The following PDGFD variants were observed in gnomAD, a reference collection of about 807,000 sequenced individuals.
PDGFD encodes platelet derived growth factor D.
A neutral mutation model predicts 44.7 loss-of-function variants in PDGFD; 30 were observed. The observed-to-expected ratio is 0.67, with a 90% confidence interval of 0.50 to 0.91. The LOEUF (loss-of-function observed/expected upper bound fraction) is 0.91, where lower values mean the gene tolerates loss of function less well. Among genes scored for constraint, PDGFD ranks in the 40% least tolerant of loss-of-function variants. The pLI, the probability that PDGFD is intolerant of heterozygous loss-of-function variation, is 0.00. For synonymous variants in PDGFD, 173 were observed against 168.4 expected (o/e 1.03, Z -0.21); for missense variants, 445 against 457.8 (o/e 0.97, Z 0.25).
chr11:104,156,964 C>A (rs73607960), intron 1 of PDGFD, among the ~76,000 whole-genome samples: 273 of 152,268 alleles, frequency 1.8e-3, no homozygotes, highest in Non-Finnish European at 2.3e-3. Flanking sequence ...CTATATATTA[C>A]CCCCTGTAGC....
In PDGFD at chr11:104,012,202, T is replaced by C. The variant is rs373953395; in HGVS notation, c.125-11947A>G. Among the ~76,000 whole-genome samples the C allele has an allele frequency of 1.8e-4, 27 of 152,304 alleles. No individual in the cohort carries two copies. The South Asian group carries it at 5.6e-3, about 32-fold the overall frequency. ...AAATTCAGATGAATTCCTAGCATTC[T>C]TTGATATTTCTCGGAATTATCTGGA... On this transcript the variant is annotated intron_variant, in intron 1 of 6. Coordinates refer to ENST00000393158, the MANE Select transcript of PDGFD (RefSeq NM_025208.5).
intron 1 of PDGFD, among the ~76,000 whole-genome samples, chr11:104,048,276 T>A (rs1449383825): frequency 6.6e-6 from 1 of 151,924 alleles, no homozygotes; most frequent in African/African-American, 2.4e-5. Context: ...CAATTCCAAA[T>A]AGAAAATACT....
intron 3 of PDGFD, among the ~76,000 whole-genome samples, chr11:103,966,851 G>A (rs969416361): frequency 6.6e-6 from 1 of 152,008 alleles, no homozygotes; most frequent in Non-Finnish European, 1.5e-5. Context: ...AACCCTTGAT[G>A]CTTTCACTGA....
chr11:104,138,371 ATAGCTCATT>A (rs2119864839), intron 1 of PDGFD, among the ~76,000 whole-genome samples: 1 of 152,356 alleles, frequency 6.6e-6, no homozygotes, highest in South Asian at 2.1e-4. Context: ...ATTTCACTAT[ATAGCTCATT>A]AAACAGCAAC....
chr11:104,088,436 C>G (rs974039241), intron 1 of PDGFD, among the ~76,000 whole-genome samples: 2 of 152,146 alleles, frequency 1.3e-5, no homozygotes. Context: ...CTCAATTCAT[C>G]CCTTCATTCT....
intron 3 of PDGFD, among the ~76,000 whole-genome samples, chr11:103,953,656 G>A (rs1443795282): frequency 6.6e-6 from 1 of 152,078 alleles, no homozygotes; most frequent in Non-Finnish European, 1.5e-5. Context: ...TCTGTACTTA[G>A]CACAAATCAA....
chr11:103,966,985 G>A (rs757994145), intron 3 of PDGFD, among the ~76,000 whole-genome samples: 24 of 152,112 alleles, frequency 1.6e-4, no homozygotes, highest in Non-Finnish European at 2.9e-4. Flanking sequence ...AAGTGAGGGC[G>A]GGGTGCCTCT....
intron 3 of PDGFD, among the ~76,000 whole-genome samples, chr11:103,956,443 T>G (rs1305469283): frequency 9.1e-6 from 1 of 110,076 alleles, no homozygotes; most frequent in Non-Finnish European, 1.8e-5. Context: ...TGCCACATTT[T>G]CTTAATCCAG....
chr11:104,087,887 A>C (rs982062545), intron 1 of PDGFD, among the ~76,000 whole-genome samples: 3 of 152,210 alleles, frequency 2.0e-5, no homozygotes, highest in African/African-American at 7.2e-5. Context: ...ATAATGTCCC[A>C]TGATGTGACT....
chr11:104,159,246 C>A (rs1481736586), intron 1 of PDGFD, among the ~76,000 whole-genome samples: 4 of 151,814 alleles, frequency 2.6e-5, no homozygotes, highest in South Asian at 2.1e-4. Flanking sequence ...AAAGAGAGAG[C>A]CTTGAAAGAG....
At chr11:103,910,296 G>T (rs1858007667) in intron 6 of PDGFD, among the ~76,000 whole-genome samples, 1 of 152,216 alleles carries the variant, frequency 6.6e-6, no homozygotes, top group Non-Finnish European at 1.5e-5. Context: ...TGTTGCCCTG[G>T]AGTTGCTGGC....
rs180929677 is a variant in PDGFD, at chr11:104,119,693, T to C, written c.124+44111A>G. On this transcript the variant is annotated intron_variant, in intron 1 of 6. Transcript: ENST00000393158. The stretch of plus-strand genomic sequence containing the variant: ...TCGATATATATATCGATATATAATA[T>C]ATAATATCTATTAATATTATAATAT... 4.7e-3 allele frequency among the ~76,000 whole-genome samples: 450 copies of C among 94,770 alleles called. 29 individuals are homozygous for C. The East Asian group carries it at 0.074, about 16-fold the overall frequency. 62.2% of individuals were successfully genotyped at this position (94,770 alleles called of 152,430 possible).
chr11:104,048,354 C>T (rs922834825), intron 1 of PDGFD, among the ~76,000 whole-genome samples: 1 of 151,678 alleles, frequency 6.6e-6, no homozygotes, highest in African/African-American at 2.4e-5. Context: ...AACATTCAAG[C>T]CCCAGTTCTG....
intron 1 of PDGFD, among the ~76,000 whole-genome samples, chr11:104,047,579 T>C (rs1860464342): frequency 6.8e-6 from 1 of 147,460 alleles, no homozygotes; most frequent in African/African-American, 2.5e-5. Flanking sequence ...CACTTTTTGA[T>C]GGGGTTGTTT....
intron 1 of PDGFD, among the ~76,000 whole-genome samples, chr11:104,141,197 T>C (rs900153906): frequency 2.0e-5 from 3 of 152,196 alleles, no homozygotes; most frequent in African/African-American, 7.2e-5. Flanking sequence ...ACCTGTAATA[T>C]ACTCCCCAGA....
chr11:103,977,864 C>T (rs1198684213), intron 3 of PDGFD, among the ~76,000 whole-genome samples: 1 of 151,814 alleles, frequency 6.6e-6, no homozygotes, highest in Non-Finnish European at 1.5e-5. Flanking sequence ...GCCAGCAGTC[C>T]AAATGATAAG....
chr11:104,066,471 A>T (rs1421757246), intron 1 of PDGFD, among the ~76,000 whole-genome samples: 1 of 152,094 alleles, frequency 6.6e-6, no homozygotes, highest in Non-Finnish European at 1.5e-5. Flanking sequence ...AACTCGGTAA[A>T]ATCCCCAAGT....
At chr11:104,035,555 C>CT (rs1860214444) in intron 1 of PDGFD, among the ~76,000 whole-genome samples, 4 of 111,490 alleles carry the variant, frequency 3.6e-5, no homozygotes, top group Non-Finnish European at 7.0e-5. Context: ...TTCCTTACTT[C>CT]TTTTTCTTTT....
chr11:103,995,959 AC>A (rs1859528576), intron 3 of PDGFD, 105 bp downstream of exon 3: 1 of 948,784 alleles, frequency 1.1e-6, no homozygotes, highest in Admixed American at 2.5e-5. Context: ...GTTATAAGGA[AC>A]TAATAAAGTT....
Sources: gnomAD v4.1 joint callset for allele counts (sites outside exome capture counted in the v4.1 genomes callset) on GRCh38, gnomAD v4.1.1 for gene constraint, MANE v1.5 for transcripts, NCBI Gene and HGNC (gene_info 2026-07-23, HGNC 2026-07-21) for gene names.